Variants in ANKRD33B observed in about 807,000 individuals in gnomAD.
ANKRD33B encodes the protein ankyrin repeat domain 33B.
A neutral mutation model predicts 21.5 loss-of-function variants in ANKRD33B; 6 were observed. The observed-to-expected ratio is 0.28, with a 90% CI of 0.15 to 0.55. The LOEUF is 0.55. Among genes scored for constraint, ANKRD33B ranks in the 20% least tolerant of loss-of-function variants. ANKRD33B has a pLI of 0.94. For missense variants in ANKRD33B, 698 were observed against 747.2 expected, an observed-to-expected ratio of 0.93 and a Z score of 0.77; for synonymous variants, 347 against 342.4, an observed-to-expected ratio of 1.01 and a Z score of -0.15.
At position 10,607,982 on chromosome 5, in the gene ANKRD33B, A is replaced by G. The variant is rs144421332; in HGVS notation, c.367-10351A>G. The stretch of plus-strand genomic sequence containing the variant: ...GACCTGTGGTCTGGTGTTTTGCACA[A>G]TCTTCATCACCACTCCTTCTAGAAG... On this transcript the variant is annotated intron_variant, in intron 1 of 3. Coordinates refer to ENST00000296657, the MANE Select transcript of ANKRD33B (RefSeq NM_001164440.2). Among the ~76,000 whole-genome samples the G allele has an allele frequency of 1.7e-4, 26 of 152,260 alleles. No homozygotes were observed. The East Asian group carries it at 3.1e-3, about 18-fold the overall frequency.
intron 1 of ANKRD33B, among the ~76,000 whole-genome samples, chr5:10,572,833 C>T (rs1579709110): frequency 6.6e-6 from 1 of 152,218 alleles, no homozygotes; most frequent in East Asian, 1.9e-4. Context: ...GCTGGAATGT[C>T]CCTTGCCAGA....
intron 1 of ANKRD33B, among the ~76,000 whole-genome samples, chr5:10,599,584 A>G (rs1476547592): frequency 6.6e-6 from 1 of 152,104 alleles, no homozygotes; most frequent in Non-Finnish European, 1.5e-5. Context: ...GAATCATACA[A>G]TATTTGTCTT....
intron 1 of ANKRD33B, among the ~76,000 whole-genome samples, chr5:10,583,973 C>T (rs369571860): frequency 1.3e-5 from 2 of 152,094 alleles, no homozygotes; most frequent in South Asian, 2.1e-4. Context: ...AATATCCCTC[C>T]GAAGATCACA....
intron 2 of ANKRD33B, 144 bp from the exon 3 acceptor site, chr5:10,637,884 C>T: frequency 1.1e-6 from 1 of 920,434 alleles, no homozygotes; most frequent in Non-Finnish European, 1.6e-6. Context: ...AGAATTCTGT[C>T]TTGGGGTCCG....
intron 1 of ANKRD33B, among the ~76,000 whole-genome samples, chr5:10,575,418 G>A (rs62339265): frequency 1.5e-5 from 1 of 67,544 alleles, no homozygotes; most frequent in Non-Finnish European, 3.1e-5. Context: ...GAGCGAGACT[G>A]TCTCAAAAAA....
chr5:10,603,776 C>A (rs1046877457), intron 1 of ANKRD33B, among the ~76,000 whole-genome samples: 2 of 151,826 alleles, frequency 1.3e-5, no homozygotes, highest in Non-Finnish European at 2.9e-5. Context: ...GTAATTTAAG[C>A]CTTTCCTCAT....
intron 1 of ANKRD33B, among the ~76,000 whole-genome samples, chr5:10,599,297 C>G (rs556999710): frequency 1.2e-4 from 19 of 152,070 alleles, no homozygotes; most frequent in African/African-American, 4.6e-4. Flanking sequence ...TTAAAGTATA[C>G]AACTTGATAG....
At chr5:10,598,834 C>G (rs541189242) in intron 1 of ANKRD33B, among the ~76,000 whole-genome samples, 7 of 152,264 alleles carry the variant, frequency 4.6e-5, no homozygotes, top group African/African-American at 1.7e-4. Flanking sequence ...AGGTGAATCA[C>G]TTGAGCCCAG....
intron 1 of ANKRD33B, among the ~76,000 whole-genome samples, chr5:10,594,113 CT>C (rs1735766416): frequency 6.6e-6 from 1 of 151,408 alleles, no homozygotes; most frequent in Non-Finnish European, 1.5e-5. Flanking sequence ...TTATTTAAAG[CT>C]TTTTTTCACT....
In ANKRD33B at chr5:10,618,434, C is replaced by T. The variant is rs2126582370; in HGVS notation, c.468C>T (p.Asn156=). 1 of 1,536,870 alleles carries T rather than the reference C, an allele frequency of 6.5e-7. No homozygotes were observed. The highest frequency in any genetic ancestry group is 1.7e-4 in the Middle Eastern group (1 of 5,978). The change falls in exon 2 of 4, where the codon AAC becomes AAT. Residue 156 remains asparagine, a synonymous_variant. Transcript: ENST00000296657. ...VDVNWQDSEG[N]TALITAAQAG... is the part of the protein sequence containing the mutation. ...TCAACTGGCAGGACAGCGAGGGGAA[C>T]ACAGCCCTAATCACAGCTGCACAGG...
In ANKRD33B at chr5:10,636,835, T is replaced by G. The variant is rs575241282; in HGVS notation, c.497-1193T>G. ...GTCACGAAGGAGTGAAGTCTGAGCT[T>G]CGGGGACAGTGGTTCTCACCTGGGG... On this transcript the variant is annotated intron_variant, in intron 2 of 3. Coordinates refer to ENST00000296657, the MANE Select transcript of ANKRD33B (RefSeq NM_001164440.2). Among the ~76,000 whole-genome samples the G allele has an allele frequency of 5.9e-5, 9 of 152,308 alleles. No individual in the cohort carries two copies. The South Asian group carries it at 1.9e-3, about 32-fold the overall frequency.
intron 1 of ANKRD33B, among the ~76,000 whole-genome samples, chr5:10,577,680 T>G (rs1338335824): frequency 6.6e-6 from 1 of 152,226 alleles, no homozygotes. Flanking sequence ...ATTTTAAAAC[T>G]CGAGAGACAA....
intron 1 of ANKRD33B, among the ~76,000 whole-genome samples, chr5:10,592,258 G>A (rs1361788432): frequency 6.6e-6 from 1 of 151,952 alleles, no homozygotes; most frequent in African/African-American, 2.4e-5. Flanking sequence ...CTTTATTCTT[G>A]TTAGTATTCT....
chr5:10,600,424 T>A (rs771018977), intron 1 of ANKRD33B, among the ~76,000 whole-genome samples: 1 of 152,226 alleles, frequency 6.6e-6, no homozygotes, highest in Non-Finnish European at 1.5e-5. Context: ...GCGTGCACTT[T>A]TTGGTGTCTG....
At chr5:10,583,843 T>C (rs1231582641) in intron 1 of ANKRD33B, among the ~76,000 whole-genome samples, 2 of 152,212 alleles carry the variant, frequency 1.3e-5, no homozygotes, top group Non-Finnish European at 2.9e-5. Context: ...CTCTTTGTGA[T>C]TTGGAGTGTT....
chr5:10,581,462 TCTTTTTG>T (rs1193016331), intron 1 of ANKRD33B, among the ~76,000 whole-genome samples: 2 of 152,340 alleles, frequency 1.3e-5, no homozygotes, highest in Admixed American at 6.5e-5. Context: ...TCCGGGAGCC[TCTTTTTG>T]CTTTTTGCTT....
intron 1 of ANKRD33B, among the ~76,000 whole-genome samples, chr5:10,571,717 G>A (rs996161357): frequency 3.3e-5 from 5 of 152,170 alleles, no homozygotes; most frequent in African/African-American, 1.2e-4. Context: ...AAAAAAATGT[G>A]AGTCCAGATT....
chr5:10,581,767 G>A (rs1316326429), intron 1 of ANKRD33B, among the ~76,000 whole-genome samples: 1 of 152,186 alleles, frequency 6.6e-6, no homozygotes, highest in African/African-American at 2.4e-5. Context: ...AAAAACTGAG[G>A]TTTCCTGGAG....
intron 1 of ANKRD33B, among the ~76,000 whole-genome samples, chr5:10,593,226 T>C (rs1735736422): frequency 6.6e-6 from 1 of 152,208 alleles, no homozygotes; most frequent in Admixed American, 6.5e-5. Context: ...ACTGGCATAA[T>C]AGGACTCTCT....
Sources: allele counts gnomAD v4.1 joint callset (sites outside exome capture counted in the v4.1 genomes callset), GRCh38; gene constraint gnomAD v4.1.1; transcripts MANE v1.5; gene names NCBI Gene and HGNC (gene_info 2026-07-23, HGNC 2026-07-21).